SOX6: variants seen among roughly 807,000 people sequenced by gnomAD.
SOX6 encodes the protein SRY-box transcription factor 6.
In SOX6, 11 loss-of-function variants were observed where a neutral mutation model predicts 97.8. The observed-to-expected ratio is 0.11, with a 90% CI of 0.07 to 0.19. The LOEUF (loss-of-function observed/expected upper bound fraction) is 0.19. SOX6 is among the 10% of genes least tolerant of loss of function. The probability of loss-of-function intolerance (pLI) is 1.00; values close to 1 mark genes in which losing one functional copy is unlikely to be tolerated. For missense variants in SOX6, 810 were observed against 1,039.5 expected, an observed-to-expected ratio of 0.78 and a Z score of 3.04; for synonymous variants, 360 against 371.4, an observed-to-expected ratio of 0.97 and a Z score of 0.35.
intron 2 of SOX6, among the ~76,000 whole-genome samples, chr11:16,729,521 G>A (rs915624596): frequency 2.0e-5 from 3 of 152,154 alleles, no homozygotes; most frequent in African/African-American, 7.2e-5. Flanking sequence ...TTACAGAGAA[G>A]CAAATGCTGA....
intron 1 of SOX6, among the ~76,000 whole-genome samples, chr11:16,417,453 C>T (rs1858945852): frequency 6.6e-6 from 1 of 152,182 alleles, no homozygotes; most frequent in Admixed American, 6.5e-5. Flanking sequence ...GTTCAGGCTT[C>T]TGCCTGACAG....
At chr11:16,604,000 G>T (rs1298630900) in intron 4 of SOX6, among the ~76,000 whole-genome samples, 1 of 152,228 alleles carries the variant, frequency 6.6e-6, no homozygotes, top group Non-Finnish European at 1.5e-5. Flanking sequence ...TGCTGAGTGC[G>T]CAGGCTAATT....
chr11:16,582,163 A>G (rs1216059852), intron 4 of SOX6, among the ~76,000 whole-genome samples: 1 of 152,100 alleles, frequency 6.6e-6, no homozygotes, highest in Non-Finnish European at 1.5e-5. Flanking sequence ...CTACCTGGGG[A>G]GGAAGTAAGG....
chr11:16,287,658 T>G (rs1281554710), intron 3 of SOX6, among the ~76,000 whole-genome samples: 1 of 152,114 alleles, frequency 6.6e-6, no homozygotes. Context: ...TGTCCTTCCT[T>G]ACACTCAAAA....
intron 1 of SOX6, among the ~76,000 whole-genome samples, chr11:16,355,473 T>C (rs1398665526): frequency 1.3e-5 from 2 of 152,096 alleles, no homozygotes; most frequent in Non-Finnish European, 2.9e-5. Flanking sequence ...TACATAGTTA[T>C]AGCATTAAAT....
rs978918416 is a variant in SOX6 at position 15,969,714 on chromosome 11, A to G, written c.*3095T>C. 1 of 152,266 alleles carries G rather than the reference A, an allele frequency of 6.6e-6. No individual in the cohort carries two copies. The highest frequency in any genetic ancestry group is 1.5e-5 in the Non-Finnish European group (1 of 68,050). 9.4% of individuals were successfully genotyped at this position (152,266 alleles called of 1,614,324 possible). A position where few individuals can be genotyped will look rare whatever the true frequency, so the allele number is the denominator to read the frequency against. ...TCTATTTCTATGTTATATTTACACA[A>G]TTAGAAAAATCTAAAATGAGATGGT... is the stretch of plus-strand genomic sequence containing the variant. On this transcript the variant is annotated 3_prime_UTR_variant, in exon 16 of 16. Transcript: ENST00000683767.
chr11:16,023,045 T>G (rs1364927878), intron 12 of SOX6: 1 of 152,120 alleles, frequency 6.6e-6, no homozygotes, highest in Admixed American at 6.6e-5. Context: ...TTATGATGTC[T>G]TCCCTTCCAG....
chr11:16,318,372 C>CTTTTT (rs34820506), intron 3 of SOX6, 74 bp downstream of exon 3: 5 of 1,361,786 alleles, frequency 3.7e-6, no homozygotes, highest in Admixed American at 1.8e-5. Flanking sequence ...TGAAATCCCA[C>CTTTTT]TTTTTTTTTT....
At chr11:16,099,924 T>C (rs1564954107) in intron 7 of SOX6, among the ~76,000 whole-genome samples, 1 of 151,756 alleles carries the variant, frequency 6.6e-6, no homozygotes, top group Non-Finnish European at 1.5e-5. Context: ...CATATCATTG[T>C]TTCAACATTA....
chr11:15,972,763 G>C lies in SOX6; in HGVS notation c.*46C>G, dbSNP rs758501223. On this transcript the variant is annotated 3_prime_UTR_variant, in exon 16 of 16. Transcript: ENST00000683767. ...CTCTTTAATAACTCTTTGTTGGGGA[G>C]GGGGGTGAAATGTCAGAGTACTTTA... The C allele has an allele frequency of 1.4e-5, 22 of 1,595,806 alleles. No homozygotes were observed. The Middle Eastern group carries it at 5.0e-4, about 36-fold the overall frequency.
At chr11:16,556,111 TA>T (rs1484226805) in intron 4 of SOX6, among the ~76,000 whole-genome samples, 1 of 151,630 alleles carries the variant, frequency 6.6e-6, no homozygotes, top group Non-Finnish European at 1.5e-5. Context: ...CTTAAATAAA[TA>T]AACAATCATC....
chr11:16,374,211 T>C (rs1010867700), intron 1 of SOX6, among the ~76,000 whole-genome samples: 5 of 152,024 alleles, frequency 3.3e-5, no homozygotes, highest in African/African-American at 1.2e-4. Flanking sequence ...TTACCTCTTA[T>C]AAAACACTAA....
At chr11:16,694,890 A>G (rs2134037991) in intron 3 of SOX6, among the ~76,000 whole-genome samples, 1 of 152,362 alleles carries the variant, frequency 6.6e-6, no homozygotes, top group Admixed American at 6.5e-5. Flanking sequence ...CCTTCTCATT[A>G]TTCCCTAAAC....
chr11:16,379,908 T>A (rs995683575), intron 1 of SOX6, among the ~76,000 whole-genome samples: 1 of 152,000 alleles, frequency 6.6e-6, no homozygotes, highest in Non-Finnish European at 1.5e-5. Context: ...TTAAAATTAA[T>A]AATGTAAAAC....
At chr11:16,009,910 T>C (rs1333219448) in intron 13 of SOX6, among the ~76,000 whole-genome samples, 1 of 151,956 alleles carries the variant, frequency 6.6e-6, no homozygotes, top group African/African-American at 2.4e-5. Flanking sequence ...GGAATAAGGA[T>C]CTAGGGAGGG....
At chr11:16,046,410 C>G in intron 12 of SOX6, 104 bp downstream of exon 12, 1 of 1,276,468 alleles carries the variant, frequency 7.8e-7, no homozygotes, top group Non-Finnish European at 1.1e-6. Context: ...AAGCTGGAAG[C>G]CCAAATCTAT....
intron 4 of SOX6, among the ~76,000 whole-genome samples, chr11:16,515,676 T>G (rs1472102790): frequency 8.7e-6 from 1 of 115,052 alleles, no homozygotes. Context: ...TTTTTATGGT[T>G]TTAGGTCTAA....
At chr11:16,258,289 C>T (rs1389087730) in intron 3 of SOX6, among the ~76,000 whole-genome samples, 4 of 151,944 alleles carry the variant, frequency 2.6e-5, no homozygotes, top group East Asian at 1.9e-4. Context: ...CATAATTGCT[C>T]GAACCTGGAA....
intron 12 of SOX6, among the ~76,000 whole-genome samples, chr11:16,034,681 G>T (rs987034003): frequency 2.0e-5 from 3 of 152,164 alleles, no homozygotes; most frequent in Admixed American, 1.3e-4. Context: ...AGGGAAGGGA[G>T]TAGAACACAT....
Sources: gnomAD v4.1 joint callset for allele counts (sites outside exome capture counted in the v4.1 genomes callset) on GRCh38, gnomAD v4.1.1 for gene constraint, MANE v1.5 for transcripts, NCBI Gene and HGNC (gene_info 2026-07-23, HGNC 2026-07-21) for gene names.